Variants in JAK2 observed in about 807,000 individuals in gnomAD.
JAK2 encodes the protein tyrosine-protein kinase JAK2.
In JAK2, 86 loss-of-function variants were observed where a neutral mutation model predicts 139.3. The ratio of observed to expected loss-of-function variants is 0.62; its 90% CI spans 0.52 to 0.74. JAK2 has a LOEUF of 0.74. Ranked by LOEUF, JAK2 falls within the 30% of genes least tolerant of loss-of-function variation. The pLI, the probability that JAK2 is intolerant of heterozygous loss-of-function variation, is 0.00. For synonymous variants in JAK2, 490 were observed against 437.7 expected (o/e 1.12, Z -1.49); for missense variants, 1,421 against 1,360.3 (o/e 1.04, Z -0.70).
intron 13 of JAK2, 71 bp downstream of exon 13, chr9:5,072,697 T>C (rs974595376): frequency 1.8e-6 from 2 of 1,128,708 alleles, no homozygotes; most frequent in Admixed American, 2.9e-5. Context: ...GCATACAACG[T>C]ACTCATGTGT....
intron 4 of JAK2, among the ~76,000 whole-genome samples, chr9:5,033,747 A>G (rs1823345282): frequency 6.6e-6 from 1 of 152,212 alleles, no homozygotes; most frequent in South Asian, 2.1e-4. Context: ...GAAGCACTAA[A>G]CATAGAAAGG....
intron 22 of JAK2, chr9:5,111,726 G>T: frequency 2.3e-6 from 1 of 433,010 alleles, no homozygotes; most frequent in South Asian, 1.7e-5. Context: ...CAGCACGAGC[G>T]CGTGGGCTAC....
intron 2 of JAK2, among the ~76,000 whole-genome samples, chr9:5,006,838 A>G (rs1821339124): frequency 6.6e-6 from 1 of 152,198 alleles, no homozygotes. Context: ...AATTATATAT[A>G]GAATTATTCA....
intron 22 of JAK2, among the ~76,000 whole-genome samples, chr9:5,092,743 C>T (rs1191614572): frequency 3.3e-5 from 5 of 152,154 alleles, no homozygotes; most frequent in Admixed American, 1.3e-4. Context: ...TACTCACCTA[C>T]GTGGCAAAAT....
chr9:4,998,290 T>A (rs1820706040), intron 2 of JAK2, among the ~76,000 whole-genome samples: 1 of 152,150 alleles, frequency 6.6e-6, no homozygotes, highest in African/African-American at 2.4e-5. Context: ...GGAGTCTTGC[T>A]CTGTCACCCA....
chr9:5,006,742 G>A (rs1821328856), intron 2 of JAK2, among the ~76,000 whole-genome samples: 1 of 152,160 alleles, frequency 6.6e-6, no homozygotes. Flanking sequence ...CCATGACCCA[G>A]TCACCTCTCA....
chr9:5,100,256 T>C (rs1287991278), intron 22 of JAK2: 1 of 152,228 alleles, frequency 6.6e-6, no homozygotes, highest in African/African-American at 2.4e-5. Context: ...AAACACATGC[T>C]TGCCATATAG....
chr9:5,029,878 A>C lies in JAK2; in HGVS notation c.322A>C (p.Thr108Pro). ...PNHVFHIDES[T>P]RHNVLYRIRF... ...CCATGTCTTCCATATAGATGAGTCAACCAGGCATAATGTACTCTACAGAAT... is the reference window on the plus strand; with the variant it reads ...CCATGTCTTCCATATAGATGAGTCACCCAGGCATAATGTACTCTACAGAAT... Residue 108 changes from threonine to proline, a missense_variant, in exon 4 of 25, where the codon ACC becomes CCC. By Grantham distance (38) the Thr-to-Pro change is conservative (BLOSUM62 -1). Transcript: ENST00000381652. 1.2e-6 allele frequency: 2 copies of C among 1,612,670 alleles called. No homozygotes were observed. Among genetic ancestry groups the C allele is most frequent in the Non-Finnish European group, 1.7e-6 (2 of 1,179,216 alleles).
At chr9:5,036,174 G>A (rs1297255998) in intron 4 of JAK2, among the ~76,000 whole-genome samples, 2 of 152,172 alleles carry the variant, frequency 1.3e-5, no homozygotes, top group Non-Finnish European at 2.9e-5. Flanking sequence ...TACAAGGGAT[G>A]TGAAGGACCT....
chr9:5,115,872 A>C (rs892826634), intron 22 of JAK2, among the ~76,000 whole-genome samples: 3 of 152,068 alleles, frequency 2.0e-5, no homozygotes, highest in African/African-American at 7.3e-5. Flanking sequence ...ACATATGGAC[A>C]CAGGGAGGGG....
chr9:5,100,049 T>C (rs1406517405), intron 22 of JAK2: 3 of 152,240 alleles, frequency 2.0e-5, no homozygotes, highest in East Asian at 3.8e-4. Context: ...GCCAACATTA[T>C]AGTCAGTCAT....
intron 12 of JAK2, among the ~76,000 whole-genome samples, chr9:5,070,918 A>G (rs1818915003): frequency 6.6e-6 from 1 of 152,216 alleles, no homozygotes; most frequent in Non-Finnish European, 1.5e-5. Flanking sequence ...GTTAAAAGTG[A>G]GACTATCCCT....
intron 6 of JAK2, among the ~76,000 whole-genome samples, chr9:5,053,287 CTA>C (rs1357723039): frequency 2.0e-5 from 3 of 151,932 alleles, no homozygotes; most frequent in Non-Finnish European, 4.4e-5. Flanking sequence ...AGAGAAGTGT[CTA>C]TTTGAATTCA....
chr9:5,010,996 T>C (rs1397592375), intron 2 of JAK2, among the ~76,000 whole-genome samples: 1 of 152,234 alleles, frequency 6.6e-6, no homozygotes, highest in Non-Finnish European at 1.5e-5. Flanking sequence ...ATGTCAGTTC[T>C]ATTTCTTGTC....
intron 2 of JAK2, among the ~76,000 whole-genome samples, chr9:4,987,694 C>CTCCTGGCTGGG (rs58159255): frequency 6.8e-6 from 1 of 146,720 alleles, no homozygotes; most frequent in Non-Finnish European, 1.5e-5. Context: ...CGAGATCTCA[C>CTCCTGGCTGGG]CACTGCACTC....
At chr9:5,031,818 C>A (rs1323657987) in intron 4 of JAK2, among the ~76,000 whole-genome samples, 1 of 152,212 alleles carries the variant, frequency 6.6e-6, no homozygotes, top group Non-Finnish European at 1.5e-5. Flanking sequence ...CAGTCTACAG[C>A]TCCCAGCATG....
At chr9:5,087,947 A>G (rs1367662320) in intron 19 of JAK2, among the ~76,000 whole-genome samples, 2 of 152,236 alleles carry the variant, frequency 1.3e-5, no homozygotes, top group African/African-American at 4.8e-5. Context: ...AATAATTAAA[A>G]ATTATTAATT....
Position 5,054,786 on chromosome 9 carries a change from T to C in JAK2, c.838T>C (p.Ser280Pro), listed in dbSNP as rs775577651. ...AGTAAAAGAACCTGGAAGTGGTCCT[T>C]CAGGTGAGGAGATTTTTGCAACCAT... ...FEVKEPGSGPSGEEIFATIII... is the reference protein window; with the variant it reads ...FEVKEPGSGPPGEEIFATIII... The change falls in exon 7 of 25, where the codon TCA (serine) becomes CCA (proline). Residue 280 changes from serine (S) to proline (P), a missense_variant. By Grantham distance (74) the Ser-to-Pro change is moderately conservative. Coordinates refer to ENST00000381652, the MANE Select transcript of JAK2 (RefSeq NM_004972.4). The surrounding 1 kb of genome is among the most constrained non-coding windows in gnomAD (Gnocchi z 4.9). 1 of 1,612,814 alleles carries C rather than the reference T, an allele frequency of 6.2e-7. No individual in the cohort carries two copies.
intron 8 of JAK2, among the ~76,000 whole-genome samples, chr9:5,059,818 CACTT>C (rs1236227189): frequency 2.0e-5 from 3 of 152,026 alleles, no homozygotes; most frequent in Admixed American, 1.3e-4. Context: ...AATACTTTTT[CACTT>C]ACTTATTGTT....
Sources: gnomAD v4.1 joint callset for allele counts (sites outside exome capture counted in the v4.1 genomes callset) on GRCh38, gnomAD v4.1.1 for gene constraint, Gnocchi (gnomAD v3.1) non-coding constraint, MANE v1.5 for transcripts, NCBI Gene and HGNC (gene_info 2026-07-23, HGNC 2026-07-21) for gene names.